Variants in PLCL1 observed in about 807,000 individuals in gnomAD.
The protein encoded by PLCL1 is inactive phospholipase C-like protein 1.
A neutral mutation model predicts 84.4 loss-of-function variants in PLCL1; 41 were observed. That is an observed-to-expected ratio of 0.49 (90% CI 0.38 to 0.63). The LOEUF (loss-of-function observed/expected upper bound fraction) is 0.63. Ranked by LOEUF, PLCL1 falls within the 30% of genes least tolerant of loss-of-function variation. The pLI is 0.00. For synonymous variants in PLCL1, 490 were observed against 488.3 expected (o/e 1.00, Z -0.05); for missense variants, 1,206 against 1,367.8 (o/e 0.88, Z 1.87).
intron 3 of PLCL1, among the ~76,000 whole-genome samples, chr2:198,095,704 C>T (rs551594447): frequency 3.9e-5 from 6 of 152,226 alleles, no homozygotes; most frequent in Admixed American, 3.9e-4. Context: ...GGGGATTACA[C>T]TGGAAAACAT....
At chr2:197,806,774 G>A (rs962063241) in intron 1 of PLCL1, among the ~76,000 whole-genome samples, 2 of 152,160 alleles carry the variant, frequency 1.3e-5, no homozygotes, top group African/African-American at 4.8e-5. Context: ...ACTACATGGT[G>A]TCCTGTGTGT....
At chr2:197,870,967 A>G (rs553477488) in intron 1 of PLCL1, among the ~76,000 whole-genome samples, 1 of 152,130 alleles carries the variant, frequency 6.6e-6, no homozygotes, top group East Asian at 1.9e-4. Flanking sequence ...TCACCTCGGG[A>G]GAGGAGCTGT....
chr2:197,978,596 T>C (rs1690036382), intron 1 of PLCL1, among the ~76,000 whole-genome samples: 1 of 152,174 alleles, frequency 6.6e-6, no homozygotes, highest in Non-Finnish European at 1.5e-5. Flanking sequence ...CATTAAACAT[T>C]AAAATAAATG....
intron 1 of PLCL1, among the ~76,000 whole-genome samples, chr2:197,932,325 T>A (rs780153844): frequency 2.7e-4 from 41 of 151,786 alleles, no homozygotes; most frequent in Non-Finnish European, 3.0e-4. Flanking sequence ...ATTTCCCATT[T>A]TGAGGTACTT....
chr2:198,065,082 C>T (rs7572733), intron 1 of PLCL1, among the ~76,000 whole-genome samples: 65,170 of 151,996 alleles, frequency 0.43, 15,055 homozygotes, highest in Middle Eastern at 0.64. Context: ...TGGACACACT[C>T]AACATCCTCT....
At chr2:197,985,374 TA>T (rs1231356144) in intron 1 of PLCL1, among the ~76,000 whole-genome samples, 1 of 152,158 alleles carries the variant, frequency 6.6e-6, no homozygotes, top group East Asian at 1.9e-4. Context: ...AGGATGGCAG[TA>T]GGCTGAATTA....
chr2:197,866,369 T>C (rs189040726), intron 1 of PLCL1, among the ~76,000 whole-genome samples: 156 of 151,902 alleles, frequency 1.0e-3, no homozygotes, highest in African/African-American at 3.5e-3. Flanking sequence ...AAAGAATTAG[T>C]TATGTTTCCT....
At chr2:197,845,069 T>G (rs1687095549) in intron 1 of PLCL1, among the ~76,000 whole-genome samples, 1 of 152,112 alleles carries the variant, frequency 6.6e-6, no homozygotes, top group African/African-American at 2.4e-5. Flanking sequence ...TCTAGTAGAT[T>G]AACAAGTTAT....
chr2:198,002,018 A>G (rs555562298), intron 1 of PLCL1: 470 of 424,716 alleles, frequency 1.1e-3, no homozygotes, highest in Middle Eastern at 3.9e-3. Flanking sequence ...GGTGAGTTGT[A>G]TAATTATTTC....
intron 1 of PLCL1, among the ~76,000 whole-genome samples, chr2:198,069,296 G>T (rs1448929809): frequency 6.6e-6 from 1 of 151,760 alleles, no homozygotes; most frequent in African/African-American, 2.4e-5. Context: ...TTTGAAAACA[G>T]CTTGGACAAC....
chr2:198,007,668 A>G (rs1424882100), intron 1 of PLCL1, among the ~76,000 whole-genome samples: 1 of 152,184 alleles, frequency 6.6e-6, no homozygotes, highest in Non-Finnish European at 1.5e-5. Flanking sequence ...CATCAACTTC[A>G]TCATAAACCC....
intron 5 of PLCL1, among the ~76,000 whole-genome samples, chr2:198,131,125 A>G (rs569704159): frequency 6.6e-6 from 1 of 152,150 alleles, no homozygotes; most frequent in Non-Finnish European, 1.5e-5. Flanking sequence ...GGATGCTTTC[A>G]TGCTGAGTAG....
intron 1 of PLCL1, among the ~76,000 whole-genome samples, chr2:197,860,964 A>G (rs1351334058): frequency 1.3e-5 from 2 of 152,088 alleles, no homozygotes; most frequent in Non-Finnish European, 2.9e-5. Flanking sequence ...CCAGAATGGT[A>G]TTGTCTAGAT....
chr2:198,092,341 C>G (rs1169625888), intron 3 of PLCL1, among the ~76,000 whole-genome samples: 71 of 152,220 alleles, frequency 4.7e-4, no homozygotes, highest in Admixed American at 4.6e-3. Flanking sequence ...TTTGCTCACT[C>G]TCTTCCAGCC....
chr2:197,880,412 G>A (rs1001540256), intron 1 of PLCL1, among the ~76,000 whole-genome samples: 1 of 152,064 alleles, frequency 6.6e-6, no homozygotes, highest in African/African-American at 2.4e-5. Flanking sequence ...GCTGACCAGA[G>A]GTGACATCTA....
rs1045204543 is a variant in PLCL1 at position 198,086,583 on chromosome 2, T to C, written c.2715+351T>C. On this transcript the variant is annotated intron_variant, in intron 2 of 5. Transcript: ENST00000428675. ...ATGCAGTGTGCTGTGATTGTACCAG[T>C]GCACTCCAGTCTGGGCAACAACAGA... is the stretch of plus-strand genomic sequence containing the variant. 2.0e-5 allele frequency among the ~76,000 whole-genome samples: 3 copies of C among 152,180 alleles called. No individual in the cohort carries two copies. The East Asian group carries it at 5.8e-4, about 29-fold the overall frequency.
chr2:197,867,059 TG>T (rs1687563743), intron 1 of PLCL1, among the ~76,000 whole-genome samples: 1 of 152,144 alleles, frequency 6.6e-6, no homozygotes, highest in African/African-American at 2.4e-5. Context: ...AATCTGACCT[TG>T]GGAGAAAGCC....
At chr2:197,851,331 C>T (rs187892106) in intron 1 of PLCL1, among the ~76,000 whole-genome samples, 4 of 152,268 alleles carry the variant, frequency 2.6e-5, no homozygotes, top group Non-Finnish European at 5.9e-5. Flanking sequence ...AAAAATACAA[C>T]AAAACAGTCA....
At chr2:198,003,313 G>C (rs1690650292) in intron 1 of PLCL1, among the ~76,000 whole-genome samples, 1 of 152,116 alleles carries the variant, frequency 6.6e-6, no homozygotes, top group Admixed American at 6.5e-5. Flanking sequence ...GGTTGAACTA[G>C]TGCTAGGCAA....
Sources: gnomAD v4.1 joint callset for allele counts (sites outside exome capture counted in the v4.1 genomes callset) on GRCh38, gnomAD v4.1.1 for gene constraint, MANE v1.5 for transcripts, NCBI Gene and HGNC (gene_info 2026-07-23, HGNC 2026-07-21) for gene names.